Variants in CNTNAP2 observed in about 807,000 individuals in gnomAD.
CNTNAP2 encodes contactin associated protein 2, also known as contactin-associated protein-like 2.
CNTNAP2 carries 98 observed loss-of-function variants against 155.2 expected under a neutral mutation model. The ratio of observed to expected loss-of-function variants is 0.63; its 90% confidence interval spans 0.54 to 0.75. The LOEUF is 0.75. Ranked by LOEUF, CNTNAP2 falls within the 30% of genes least tolerant of loss-of-function variation. CNTNAP2 has a pLI of 0.00. For missense variants in CNTNAP2, 1,727 were observed against 1,688.1 expected, an observed-to-expected ratio of 1.02 and a Z score of -0.40; for synonymous variants, 651 against 631.2, an observed-to-expected ratio of 1.03 and a Z score of -0.47.
intron 13 of CNTNAP2, among the ~76,000 whole-genome samples, chr7:147,807,323 A>T (rs1319186892): frequency 3.2e-4 from 6 of 18,684 alleles, no homozygotes; most frequent in African/African-American, 2.7e-3. Flanking sequence ...TCCTTGACTC[A>T]AAAAAAAAAA....
At chr7:147,182,144 AAAG>A (rs1802471888) in intron 8 of CNTNAP2, among the ~76,000 whole-genome samples, 1 of 151,194 alleles carries the variant, frequency 6.6e-6, no homozygotes, top group East Asian at 1.9e-4. Flanking sequence ...AAAAAAAAAA[AAAG>A]AAAGTAACTT....
At chr7:148,384,014 A>G in intron 22 of CNTNAP2, 126 bp downstream of exon 22, 1 of 1,368,048 alleles carries the variant, frequency 7.3e-7, no homozygotes, top group Non-Finnish European at 1.0e-6. Flanking sequence ...GAAAGGGCAA[A>G]GGAACGTTGT....
chr7:148,196,065 G>A (rs1035116066), intron 18 of CNTNAP2, among the ~76,000 whole-genome samples: 4 of 152,112 alleles, frequency 2.6e-5, no homozygotes, highest in African/African-American at 7.2e-5. Context: ...GTTGCTATTC[G>A]CAAACACTAA....
chr7:147,939,716 G>A (rs979644525), intron 14 of CNTNAP2, among the ~76,000 whole-genome samples: 2 of 152,126 alleles, frequency 1.3e-5, no homozygotes, highest in Non-Finnish European at 2.9e-5. Context: ...TGTCAAGAAT[G>A]ACGAAAGGAG....
intron 3 of CNTNAP2, among the ~76,000 whole-genome samples, chr7:146,885,928 GGTGTGTGTGTGTGTGTGT>G (rs36231370): frequency 3.0e-4 from 42 of 141,940 alleles, no homozygotes; most frequent in South Asian, 1.2e-3. Flanking sequence ...TATGTAAGTC[GGTGTGTGTGTGTGTGTGT>G]GTGTGTGTGT....
At chr7:148,224,748 T>C (rs1317625853) in intron 19 of CNTNAP2, among the ~76,000 whole-genome samples, 1 of 152,174 alleles carries the variant, frequency 6.6e-6, no homozygotes, top group African/African-American at 2.4e-5. Context: ...GACTCGCAGT[T>C]CCGCATGGCT....
intron 3 of CNTNAP2, among the ~76,000 whole-genome samples, chr7:146,848,464 G>T (rs1278322779): frequency 1.3e-5 from 2 of 152,158 alleles, no homozygotes; most frequent in Non-Finnish European, 2.9e-5. Context: ...CAATAAACTG[G>T]TGATAAGGCT....
intron 1 of CNTNAP2, among the ~76,000 whole-genome samples, chr7:146,483,318 T>C (rs1379846566): frequency 7.9e-5 from 7 of 89,010 alleles, no homozygotes; most frequent in African/African-American, 4.0e-4. Flanking sequence ...TATATATATA[T>C]ATATATATAT....
intron 18 of CNTNAP2, among the ~76,000 whole-genome samples, chr7:148,185,213 A>G (rs1795097795): frequency 2.0e-5 from 3 of 152,228 alleles, no homozygotes; most frequent in Admixed American, 2.0e-4. Context: ...ATACTAGTTC[A>G]TGACAGGCAG....
chr7:148,110,856 A>C (rs1804334138), intron 15 of CNTNAP2, among the ~76,000 whole-genome samples: 1 of 152,134 alleles, frequency 6.6e-6, no homozygotes, highest in African/African-American at 2.4e-5. Flanking sequence ...TCCTTAATAA[A>C]AACAGAGGAA....
In CNTNAP2 at chr7:148,040,379, C is replaced by T. The variant is rs1301803104; in HGVS notation, c.2383+62390C>T. Among the ~76,000 whole-genome samples the T allele has an allele frequency of 2.0e-5, 3 of 152,162 alleles. No individual in the cohort carries two copies. In the East Asian group the frequency reaches 5.8e-4, roughly 29 times the overall value. ...AAGCAGGAAATTACCTCAGATGAAACTTCATTACATGGCATTTCCATTCCC... is the reference window on the plus strand; with the variant it reads ...AAGCAGGAAATTACCTCAGATGAAATTTCATTACATGGCATTTCCATTCCC... On this transcript the variant is annotated intron_variant, in intron 15 of 23. Coordinates refer to ENST00000361727, the MANE Select transcript of CNTNAP2 (RefSeq NM_014141.6).
chr7:148,370,549 G>A (rs1798867715), intron 21 of CNTNAP2, among the ~76,000 whole-genome samples: 1 of 152,178 alleles, frequency 6.6e-6, no homozygotes, highest in South Asian at 2.1e-4. Context: ...CACACAGGGT[G>A]AAGTGAGGCA....
chr7:147,361,117 C>CA (rs148514233), intron 9 of CNTNAP2, among the ~76,000 whole-genome samples: 2,451 of 152,074 alleles, frequency 0.016, 34 homozygotes, highest in Non-Finnish European at 0.022. Context: ...TATAGAAAAC[C>CA]AAAAAAGATT....
At chr7:147,213,191 A>G (rs1803195158) in intron 8 of CNTNAP2, among the ~76,000 whole-genome samples, 1 of 152,160 alleles carries the variant, frequency 6.6e-6, no homozygotes. Flanking sequence ...GAATCAGGGA[A>G]GGCAATTTCT....
chr7:148,017,738 T>A (rs181285708), intron 15 of CNTNAP2, among the ~76,000 whole-genome samples: 2 of 152,324 alleles, frequency 1.3e-5, no homozygotes, highest in African/African-American at 4.8e-5. Context: ...TGCCCATCTA[T>A]GTAACAGTAA....
At chr7:147,789,077 T>G (rs2116569603) in intron 13 of CNTNAP2, among the ~76,000 whole-genome samples, 1 of 151,826 alleles carries the variant, frequency 6.6e-6, no homozygotes, top group African/African-American at 2.4e-5. Flanking sequence ...GCTAATTTTT[T>G]TATATTTTTA....
intron 15 of CNTNAP2, among the ~76,000 whole-genome samples, chr7:148,083,582 G>A (rs1363007875): frequency 6.6e-6 from 1 of 152,114 alleles, no homozygotes; most frequent in Non-Finnish European, 1.5e-5. Context: ...TTTCCACCAA[G>A]GGCAGAAACA....
chr7:146,273,226 A>AG (rs1389548181), intron 1 of CNTNAP2, among the ~76,000 whole-genome samples: 1 of 151,876 alleles, frequency 6.6e-6, no homozygotes, highest in African/African-American at 2.4e-5. Context: ...AAAAAAAAAA[A>AG]CAACAAAAAT....
At chr7:146,681,523 G>T (rs1455738501) in intron 1 of CNTNAP2, among the ~76,000 whole-genome samples, 1 of 80,792 alleles carries the variant, frequency 1.2e-5, no homozygotes, top group African/African-American at 5.1e-5. Context: ...GGGTGGGAGG[G>T]GTGGGAGGGT....
Sources: allele counts gnomAD v4.1 joint callset (sites outside exome capture counted in the v4.1 genomes callset), GRCh38; gene constraint gnomAD v4.1.1; transcripts MANE v1.5; gene names NCBI Gene and HGNC (gene_info 2026-07-23, HGNC 2026-07-21).